ALOX12B: variants seen among roughly 807,000 people sequenced by gnomAD.
The protein encoded by ALOX12B is arachidonate 12-lipoxygenase, 12R-type.
ALOX12B carries 47 observed loss-of-function variants against 78.9 expected under a neutral mutation model. The observed-to-expected ratio is 0.60, with a 90% confidence interval of 0.47 to 0.76. ALOX12B has a LOEUF of 0.76. Among genes scored for constraint, ALOX12B ranks in the 30% least tolerant of loss-of-function variants. The pLI, the probability that ALOX12B is intolerant of heterozygous loss-of-function variation, is 0.00. For missense variants in ALOX12B, 805 were observed against 922.6 expected (o/e 0.87, Z 1.65); for synonymous variants, 370 against 374.5 (o/e 0.99, Z 0.14).
At position 8,079,891 on chromosome 17, in the gene ALOX12B, G is replaced by C. The variant is rs532842455; in HGVS notation, c.805C>G (p.Leu269Val). ...ATCAGGCCGGGGTTGACGCCGTTGA[G>C]GTACTGGTACCCAAAGAAGGTGTCC... ...AEDTFFGYQY[L>V]NGVNPGLIRR... Residue 269 changes from leucine (L) to valine (V), a missense_variant, in exon 7 of 15, where the codon CTC becomes GTC. Coordinates refer to ENST00000647874, the MANE Select transcript of ALOX12B (RefSeq NM_001139.3). The surrounding 1 kb of genome is among the most constrained non-coding windows in gnomAD (Gnocchi z 6.4). The C allele has an allele frequency of 1.2e-6, 2 of 1,613,382 alleles. No individual in the cohort carries two copies. Among genetic ancestry groups the C allele is most frequent in the South Asian group, 2.2e-5 (2 of 91,040 alleles).
At chr17:8,082,423 G>C (rs1313322789) in intron 2 of ALOX12B, among the ~76,000 whole-genome samples, 1 of 152,134 alleles carries the variant, frequency 6.6e-6, no homozygotes, top group Non-Finnish European at 1.5e-5. Context: ...CATGCTCTGA[G>C]CGTTAACCTG....
At chr17:8,086,330 C>T in intron 1 of ALOX12B, 110 bp from the exon 2 acceptor site, 1 of 1,074,202 alleles carries the variant, frequency 9.3e-7, no homozygotes, top group Non-Finnish European at 1.4e-6. Context: ...CAATGCTCAC[C>T]TCCCTGGACT....
intron 2 of ALOX12B, chr17:8,081,560 C>T (rs894922745): frequency 9.2e-6 from 3 of 325,216 alleles, no homozygotes; most frequent in African/African-American, 2.1e-5. Flanking sequence ...ATATTGTACC[C>T]ATTAAGTAAT....
At position 8,081,194 on chromosome 17, in the gene ALOX12B, G is replaced by A. The variant is rs1169848798; in HGVS notation, c.353-7C>T. 6.2e-7 allele frequency: 1 copy of A among 1,613,534 alleles called. No individual in the cohort carries two copies. The highest frequency in any genetic ancestry group is 8.5e-7 in the Non-Finnish European group (1 of 1,179,700). On this transcript the variant is annotated splice_region_variant and splice_polypyrimidine_tract_variant and intron_variant, in intron 2 of 14. Coordinates refer to ENST00000647874, the MANE Select transcript of ALOX12B (RefSeq NM_001139.3). ...TCATCTGCTGTTGTCTTTCCTGTAG[G>A]GAGACCAAGGAGAGGACTCAAGGGC...
intron 1 of ALOX12B, 31 bp from the exon 2 acceptor site, chr17:8,086,251 C>G: frequency 6.2e-7 from 1 of 1,608,682 alleles, no homozygotes; most frequent in Non-Finnish European, 8.5e-7. Flanking sequence ...GCTGAGTGGG[C>G]AGGACTTCAC....
rs565146985 is a variant in ALOX12B, at chr17:8,081,199, C to A, written c.353-12G>T. ...TGCTGTTGTCTTTCCTGTAGGGAGA[C>A]CAAGGAGAGGACTCAAGGGCTGACC... On this transcript the variant is annotated splice_polypyrimidine_tract_variant and intron_variant, in intron 2 of 14. Transcript: ENST00000647874. 2 of 1,613,562 alleles carry A rather than the reference C, an allele frequency of 1.2e-6. No homozygotes were observed. Among genetic ancestry groups the A allele is most frequent in the Non-Finnish European group, 1.7e-6 (2 of 1,179,632 alleles).
chr17:8,083,686 G>A (rs951592401), intron 2 of ALOX12B, among the ~76,000 whole-genome samples: 3 of 151,706 alleles, frequency 2.0e-5, no homozygotes, highest in African/African-American at 7.3e-5. Flanking sequence ...CTGAGATCAT[G>A]CCACTGCACT....
chr17:8,084,968 G>C (rs1978292472), intron 2 of ALOX12B, among the ~76,000 whole-genome samples: 1 of 152,174 alleles, frequency 6.6e-6, no homozygotes. Context: ...CTCTCCCATG[G>C]GAGTAACCAA....
Position 8,086,084 on chromosome 17 carries a change from C to T in ALOX12B, c.284G>A (p.Arg95His), listed in dbSNP as rs150641093. 5.8e-5 allele frequency: 94 copies of T among 1,614,138 alleles called. No individual in the cohort carries two copies. Among genetic ancestry groups the T allele is most frequent in the African/African-American group, 2.9e-4 (22 of 75,036 alleles). The change falls in exon 2 of 15, where the codon CGT (arginine) becomes CAT (histidine). Residue 95 changes from arginine (R) to histidine (H), a missense_variant. Physicochemically the swap from Arg to His is conservative, Grantham distance 29. Transcript: ENST00000647874. ...CTGGTAGGCGGGGAAGTGGTAGATA[C>T]GGCCGTTGGGGGCACAGATCTGCAC... ...NYVQICAPNG[R>H]IYHFPAYQWM...
Position 8,079,990 on chromosome 17 carries a change from G to A in ALOX12B, c.755-49C>T. 6.3e-7 allele frequency: 1 copy of A among 1,589,162 alleles called. No homozygotes were observed. The highest frequency in any genetic ancestry group is 8.6e-7 in the Non-Finnish European group (1 of 1,167,446). On this transcript the variant is annotated intron_variant, in intron 6 of 14. Transcript: ENST00000647874. This position sits in a 1 kb window ranked among gnomAD's most constrained non-coding sequence, Gnocchi z 6.4. ...CACAAGGAGGCCCGGCCCCCCTCGG[G>A]GACGGAGAGGCATGGGACAGAAGAA...
chr17:8,085,595 G>T (rs1049355105), intron 2 of ALOX12B, among the ~76,000 whole-genome samples: 2 of 152,210 alleles, frequency 1.3e-5, no homozygotes, highest in East Asian at 3.8e-4. Context: ...TGGAGTAACA[G>T]GGCGTCTTTC....
Position 8,076,134 on chromosome 17 carries a change from T to G in ALOX12B, c.1532+41A>C, listed in dbSNP as rs111835355. The G allele has an allele frequency of 3.9e-3, 6,216 of 1,612,364 alleles. 179 individuals carry two copies. In the African/African-American group the frequency reaches 0.07, roughly 18 times the overall value. On this transcript the variant is annotated intron_variant, in intron 11 of 14. Transcript: ENST00000647874. ...CCCACACCCTCTCCAACATCCCAGG[T>G]TGTCCACCCTAAGAGCCACCCACTG...
At chr17:8,086,307 T>C (rs1366775591) in intron 1 of ALOX12B, 87 bp from the exon 2 acceptor site, 1 of 1,328,678 alleles carries the variant, frequency 7.5e-7, no homozygotes, top group African/African-American at 1.5e-5. Flanking sequence ...ACCTAGGCCC[T>C]GCTCATGCTG....
chr17:8,078,291 G>A (rs1195327299), intron 8 of ALOX12B, among the ~76,000 whole-genome samples: 1 of 151,294 alleles, frequency 6.6e-6, no homozygotes, highest in East Asian at 2.0e-4. Context: ...GACTACAGGC[G>A]CCGCCCCCGA....
chr17:8,087,410 G>C lies in ALOX12B; in HGVS notation c.33C>G (p.Gly11=). Residue 11 remains glycine (G), a synonymous_variant, in exon 1 of 15, where the codon GGC becomes GGG. Coordinates refer to ENST00000647874, the MANE Select transcript of ALOX12B (RefSeq NM_001139.3). MATYKVRVAT[G]TDLLSGTRDS... The stretch of plus-strand genomic sequence containing the variant: ...CCCGTGTTCCCGACAAGAGGTCGGT[G>C]CCTGTGGCCACCCTGACTTTGTAGG... 1 of 1,614,250 alleles carries C rather than the reference G, an allele frequency of 6.2e-7. No individual in the cohort carries two copies. The highest frequency in any genetic ancestry group is 8.5e-7 in the Non-Finnish European group (1 of 1,180,040).
Position 8,080,125 on chromosome 17 carries a change from C to A in ALOX12B, c.754+110G>T, listed in dbSNP as rs886616364. ...TTCCAAGAAGCCGCCAGAGGGCGCG[C>A]GCGCGCCTCGCTGCCTCTCCCGTCC... On this transcript the variant is annotated intron_variant, in intron 6 of 14. Transcript: ENST00000647874. This position sits in a 1 kb window ranked among gnomAD's most constrained non-coding sequence, Gnocchi z 4.8. 1.4e-6 allele frequency: 2 copies of A among 1,469,622 alleles called. No individual in the cohort carries two copies. Among genetic ancestry groups the A allele is most frequent in the Non-Finnish European group, 1.9e-6 (2 of 1,050,438 alleles). 91.0% of individuals were successfully genotyped at this position (1,469,622 alleles called of 1,614,324 possible). A position where few individuals can be genotyped will look rare whatever the true frequency, so the allele number is the denominator to read the frequency against.
In ALOX12B at chr17:8,080,097, A is replaced by G. The variant is rs1977178398; in HGVS notation, c.754+138T>C. The G allele has an allele frequency of 1.4e-6, 2 of 1,481,422 alleles. No individual in the cohort carries two copies. Among genetic ancestry groups the G allele is most frequent in the Admixed American group, 3.5e-5 (2 of 57,814 alleles). 91.8% of individuals were successfully genotyped at this position (1,481,422 alleles called of 1,614,324 possible). A position where few individuals can be genotyped will look rare whatever the true frequency, so the allele number is the denominator to read the frequency against. ...AGCGGCCGGAGGAGCCCGGTGCGAC[A>G]TTTTCCAAGAAGCCGCCAGAGGGCG... On this transcript the variant is annotated intron_variant, in intron 6 of 14. Transcript: ENST00000647874. This position sits in a 1 kb window ranked among gnomAD's most constrained non-coding sequence, Gnocchi z 4.8.
intron 12 of ALOX12B, 95 bp downstream of exon 12, chr17:8,075,500 G>A: frequency 6.3e-7 from 1 of 1,590,112 alleles, no homozygotes; most frequent in Admixed American, 1.7e-5. Context: ...AATAAAATAT[G>A]TTCTGATCCA....
At chr17:8,075,809 G>T (rs1567981289) in intron 11 of ALOX12B, 93 bp from the exon 12 acceptor site, 3 of 1,604,894 alleles carry the variant, frequency 1.9e-6, no homozygotes, top group South Asian at 2.2e-5. Flanking sequence ...CCTGACCTCA[G>T]TTGGCCCCAG....
Sources: gnomAD v4.1 joint callset for allele counts (sites outside exome capture counted in the v4.1 genomes callset) on GRCh38, gnomAD v4.1.1 for gene constraint, Gnocchi (gnomAD v3.1) non-coding constraint, MANE v1.5 for transcripts, NCBI Gene and HGNC (gene_info 2026-07-23, HGNC 2026-07-21) for gene names.